PNCK: variants seen among roughly 807,000 people sequenced by gnomAD.
PNCK encodes calcium/calmodulin-dependent protein kinase type 1B.
Under a neutral mutation model 28.3 loss-of-function variants are expected in PNCK, and 21 were observed. That is an observed-to-expected ratio of 0.74 (90% confidence interval 0.53 to 1.07). The LOEUF (loss-of-function observed/expected upper bound fraction) is 1.07, where lower values mean the gene tolerates loss of function less well. Among genes scored for constraint, PNCK ranks in the 50% least tolerant of loss-of-function variants. The pLI is 0.00. For missense variants in PNCK, 250 were observed against 298.3 expected (o/e 0.84, Z 1.19); for synonymous variants, 136 against 125.2 (o/e 1.09, Z -0.58).
chrX:153,681,355 C>T (rs1218731782), intron 1 of PNCK, among the ~76,000 whole-genome samples: 1 of 111,575 alleles, frequency 9.0e-6, no homozygotes, highest in Non-Finnish European at 1.9e-5. Context: ...AGTCACTTCC[C>T]AGTGGAGAGA....
At chrX:153,678,835 CTT>C (rs55925645), upstream of PNCK, among the ~76,000 whole-genome samples, 2,069 of 95,022 alleles carry the variant, frequency 0.022, 51 homozygotes, top group African/African-American at 0.072. Context: ...CGTTTTCTGT[CTT>C]TTTTTTTTTT....
upstream of PNCK, among the ~76,000 whole-genome samples, chrX:153,676,450 C>A (rs1229300624): frequency 1.8e-5 from 2 of 112,192 alleles, no homozygotes; most frequent in African/African-American, 6.5e-5. Flanking sequence ...GACACAGTAG[C>A]AAGGACAAAC....
rs1557039240 is a variant in PNCK, at chrX:153,670,460, C to T, written c.1029G>A (p.Trp343Ter). ...SGLRAGQPPK[W>*] ...TCCACCCAAACACACCTGGGCATCA[C>T]CACTTGGGGGGCTGGCCAGCACGGA... Residue 343 changes from tryptophan (W) to a stop codon, truncating the protein, a stop_gained, in exon 11 of 12, where the codon TGG (tryptophan) becomes TGA (stop). Coordinates refer to ENST00000340888, the MANE Select transcript of PNCK (RefSeq NM_001366977.1). LOFTEE classifies it high-confidence loss of function. The T allele has an allele frequency of 8.3e-7, 1 of 1,211,640 alleles. No individual in the cohort carries two copies. Among genetic ancestry groups the T allele is most frequent in the Non-Finnish European group, 1.1e-6 (1 of 895,530 alleles).
upstream of PNCK, among the ~76,000 whole-genome samples, chrX:153,679,202 G>A (rs1376276744): frequency 9.0e-6 from 1 of 111,421 alleles, no homozygotes; most frequent in African/African-American, 3.3e-5. Context: ...ACCAAGGAGT[G>A]TGATTGCTGA....
At chrX:153,670,420 C>T in intron 11 of PNCK, 30 bp downstream of exon 11, 6 of 1,210,191 alleles carry the variant, frequency 5.0e-6, no homozygotes, top group Non-Finnish European at 6.7e-6. Context: ...GGAGCCAGCT[C>T]CTGGGCGTGC....
upstream of PNCK, among the ~76,000 whole-genome samples, chrX:153,679,792 G>A (rs1271508280): frequency 6.4e-5 from 7 of 109,732 alleles, no homozygotes; most frequent in African/African-American, 2.0e-4. Flanking sequence ...GGCTGGTCTC[G>A]AACTCCTGAC....
chrX:153,672,889 TCA>T (rs782006845), intron 2 of PNCK, 118 bp downstream of exon 2: 462 of 926,233 alleles, frequency 5.0e-4, no homozygotes, highest in Non-Finnish European at 5.9e-4. Flanking sequence ...CCCTACATAT[TCA>T]CACACACACA....
intron 1 of PNCK, among the ~76,000 whole-genome samples, chrX:153,684,273 G>A (rs947017579): frequency 2.5e-4 from 28 of 112,440 alleles, no homozygotes; most frequent in African/African-American, 8.4e-4. Context: ...GGGTCTGCAC[G>A]GAATATATGC....
intron 9 of PNCK, 22 bp from the exon 10 acceptor site, chrX:153,670,853 G>A (rs2091287279): frequency 8.3e-7 from 1 of 1,206,873 alleles, no homozygotes; most frequent in Admixed American, 2.2e-5. Flanking sequence ...CTGAAGGTCA[G>A]GGGGGGTCTC....
chrX:153,672,580 G>T lies in PNCK; in HGVS notation c.186C>A (p.Ile62=). Residue 62 remains isoleucine, a synonymous_variant, in exon 3 of 12, where the codon ATC becomes ATA. Transcript: ENST00000340888. The part of the protein sequence containing the change: ...RGKEALVENE[I]AVLRRISHPN... ...GAGGTGCGCACCTACGGAGCACTGCGATCTCGTTCTCCACCAGGGCCTCCT... is the reference window on the plus strand; with the variant it reads ...GAGGTGCGCACCTACGGAGCACTGCTATCTCGTTCTCCACCAGGGCCTCCT... 2 of 1,206,988 alleles carry T rather than the reference G, an allele frequency of 1.7e-6. No homozygotes were observed.
upstream of PNCK, among the ~76,000 whole-genome samples, chrX:153,677,213 C>T (rs2091370284): frequency 8.9e-6 from 1 of 111,941 alleles, no homozygotes; most frequent in Admixed American, 9.5e-5. Flanking sequence ...GCTGGGATTA[C>T]AGGCGTGAGC....
chrX:153,679,670 C>G (rs1485567233), upstream of PNCK, among the ~76,000 whole-genome samples: 1 of 99,352 alleles, frequency 1.0e-5, no homozygotes, highest in Admixed American at 1.2e-4. Flanking sequence ...CTCCTGAGTT[C>G]AAGCGATTCT....
chrX:153,675,303 A>G (rs1557041374), upstream of PNCK: 1 of 112,009 alleles, frequency 8.9e-6, no homozygotes. Flanking sequence ...AAAGTAATAA[A>G]AAACTGCCCG....
intron 1 of PNCK, chrX:153,673,311 C>T: frequency 1.7e-6 from 2 of 1,173,168 alleles, no homozygotes; most frequent in South Asian, 1.9e-5. Flanking sequence ...CTCCCCCGCA[C>T]CCCGAAGGCG....
rs1432800194 is a variant in PNCK, at chrX:153,670,744, C to T, written c.894G>A (p.Lys298=). The T allele has an allele frequency of 1.7e-6, 2 of 1,204,033 alleles. No homozygotes were observed. Among genetic ancestry groups the T allele is most frequent in the African/African-American group, 3.5e-5 (2 of 57,332 alleles). Residue 298 remains lysine, a splice_region_variant and synonymous_variant, in exon 10 of 12, where the codon AAG becomes AAA. Coordinates refer to ENST00000340888, the MANE Select transcript of PNCK (RefSeq NM_001366977.1). The part of the protein sequence containing the change: ...IRKNFARTHW[K]RAFNATSFLR... ...ACACTGGGTCTCTCTCCACACTGACCTTCCAGTGTGTCCGAGCAAAGTTCT... is the reference window on the plus strand; with the variant it reads ...ACACTGGGTCTCTCTCCACACTGACTTTCCAGTGTGTCCGAGCAAAGTTCT...
chrX:153,673,066 A>G lies in PNCK; in HGVS notation c.11T>C (p.Leu4Pro). The change falls in exon 2 of 12, where the codon CTG (leucine) becomes CCG (proline). Residue 4 changes from leucine to proline, a missense_variant. Physicochemically the swap from Leu to Pro is moderately conservative, Grantham distance 98 (BLOSUM62 -3). Transcript: ENST00000340888. ...GCTGATGTCCTCCGTGTGTTTCTTC[A>G]GCAGCAGCATGTCTGCAGGGGCAGG... MLL[L>P]KKHTEDISSV... The G allele has an allele frequency of 1.7e-6, 2 of 1,195,737 alleles. No homozygotes were observed. The highest frequency in any genetic ancestry group is 2.3e-6 in the Non-Finnish European group (2 of 885,416).
At position 153,669,995 on chromosome X, in the gene PNCK, C is replaced by T. The variant is rs1347064212; in HGVS notation, c.*143G>A. The T allele has an allele frequency of 3.3e-6, 1 of 299,591 alleles. No homozygotes were observed. Among genetic ancestry groups the T allele is most frequent in the African/African-American group, 2.7e-5 (1 of 36,490 alleles). 24.7% of individuals were successfully genotyped at this position (299,591 alleles called of 1,213,427 possible). Reference sequence around the variant, plus strand: ...AGACTTGGGGGTGCCCCATTCCAACCCCAGCGCCATGCGCCACACCCTCAA... The same window carrying T: ...AGACTTGGGGGTGCCCCATTCCAACTCCAGCGCCATGCGCCACACCCTCAA... On this transcript the variant is annotated 3_prime_UTR_variant, in exon 12 of 12. Transcript: ENST00000340888.
chrX:153,670,685 C>T lies in PNCK; in HGVS notation c.894+59G>A, dbSNP rs1232476515. 9 of 1,188,939 alleles carry T rather than the reference C, an allele frequency of 7.6e-6. No homozygotes were observed. The Admixed American group carries it at 1.1e-4, about 15-fold the overall frequency. On this transcript the variant is annotated intron_variant, in intron 10 of 11. Transcript: ENST00000340888. ...TGCAGTGGTCACTGGGCAGCCACGGCGATCAGGCTACAGCTGGGGTGCGGC... is the reference window on the plus strand; with the variant it reads ...TGCAGTGGTCACTGGGCAGCCACGGTGATCAGGCTACAGCTGGGGTGCGGC...
upstream of PNCK, among the ~76,000 whole-genome samples, chrX:153,679,570 T>TC (rs1460123784): frequency 3.1e-4 from 27 of 86,869 alleles, no homozygotes; most frequent in African/African-American, 1.1e-3. Context: ...TCTTTTCTTT[T>TC]TTTTTTTTTT....
Sources: allele counts gnomAD v4.1 joint callset (sites outside exome capture counted in the v4.1 genomes callset), GRCh38; gene constraint gnomAD v4.1.1; transcripts MANE v1.5; gene names NCBI Gene and HGNC (gene_info 2026-07-23, HGNC 2026-07-21).